Variants in TFDP2 observed in about 807,000 individuals in gnomAD.
The protein encoded by TFDP2 is transcription factor Dp-2 (E2F dimerization partner 2).
A neutral mutation model predicts 59.3 loss-of-function variants in TFDP2; 17 were observed. The observed-to-expected ratio is 0.29, with a 90% CI of 0.20 to 0.43. TFDP2 has a LOEUF of 0.43. Among genes scored for constraint, TFDP2 ranks in the 20% least tolerant of loss-of-function variants. The probability of loss-of-function intolerance (pLI) is 1.00; values close to 1 mark genes in which losing one functional copy is unlikely to be tolerated. For missense variants in TFDP2, 391 were observed against 528.8 expected (o/e 0.74, Z 2.56); for synonymous variants, 180 against 194.7 (o/e 0.92, Z 0.63).
intron 1 of TFDP2, among the ~76,000 whole-genome samples, chr3:142,140,828 C>T (rs1275142529): frequency 6.6e-6 from 1 of 152,180 alleles, no homozygotes; most frequent in Non-Finnish European, 1.5e-5. Context: ...CCCAGTTAGG[C>T]TACACGGGTG....
At chr3:142,147,528 G>A (rs1319175957) in intron 1 of TFDP2, among the ~76,000 whole-genome samples, 1 of 152,114 alleles carries the variant, frequency 6.6e-6, no homozygotes, top group Non-Finnish European at 1.5e-5. Flanking sequence ...CAGGGTGGGA[G>A]GAATTACATG....
chr3:141,959,877 G>A (rs773071220), intron 10 of TFDP2, 37 bp from the exon 11 acceptor site: 12 of 1,606,886 alleles, frequency 7.5e-6, no homozygotes, highest in Admixed American at 5.0e-5. Flanking sequence ...TTTTGGTGGT[G>A]CTGGAGAGGT....
chr3:142,110,434 G>A (rs1220457406), intron 1 of TFDP2, among the ~76,000 whole-genome samples: 1 of 151,816 alleles, frequency 6.6e-6, no homozygotes, highest in Admixed American at 6.6e-5. Flanking sequence ...AACCTGGAAG[G>A]TGGTGGTTGC....
At chr3:141,983,481 T>C (rs775807483) in intron 6 of TFDP2, among the ~76,000 whole-genome samples, 4 of 151,708 alleles carry the variant, frequency 2.6e-5, no homozygotes, top group Non-Finnish European at 4.4e-5. Flanking sequence ...CACAAAAAAA[T>C]ACAAAAATTA....
chr3:142,056,957 G>T (rs186692025), intron 3 of TFDP2, among the ~76,000 whole-genome samples: 1 of 152,336 alleles, frequency 6.6e-6, no homozygotes, highest in East Asian at 1.9e-4. Flanking sequence ...CATGTGAGAT[G>T]AATGTTTGTT....
intron 3 of TFDP2, among the ~76,000 whole-genome samples, chr3:142,040,597 A>G (rs964761664): frequency 5.7e-4 from 86 of 152,146 alleles, no homozygotes; most frequent in African/African-American, 1.8e-3. Flanking sequence ...TGCCCGGCTA[A>G]TTTTGTATTT....
intron 7 of TFDP2, among the ~76,000 whole-genome samples, chr3:141,975,598 G>A (rs759602515): frequency 1.3e-5 from 2 of 151,430 alleles, no homozygotes; most frequent in Admixed American, 6.6e-5. Flanking sequence ...GGAGGATGAG[G>A]CAGGAAAATC....
At chr3:142,042,541 G>A (rs914393266) in intron 3 of TFDP2, among the ~76,000 whole-genome samples, 6 of 151,496 alleles carry the variant, frequency 4.0e-5, no homozygotes, top group South Asian at 2.1e-4. Context: ...CTCGAGATCC[G>A]CCTGCCTCAG....
At chr3:142,126,937 C>T (rs1034078278) in intron 1 of TFDP2, among the ~76,000 whole-genome samples, 3 of 134,276 alleles carry the variant, frequency 2.2e-5, no homozygotes, top group African/African-American at 8.0e-5. Context: ...CAGAGTGAGA[C>T]CTTGTCTCAA....
At chr3:142,132,818 A>G (rs1317577969) in intron 1 of TFDP2, among the ~76,000 whole-genome samples, 1 of 149,070 alleles carries the variant, frequency 6.7e-6, no homozygotes, top group Admixed American at 6.6e-5. Context: ...AAACCGTATG[A>G]GGAAAATGTT....
intron 9 of TFDP2, among the ~76,000 whole-genome samples, chr3:141,968,393 A>ATATATATATAT (rs1232923523): frequency 8.6e-6 from 1 of 116,770 alleles, no homozygotes; most frequent in South Asian, 2.4e-4. Context: ...CATATATATA[A>ATATATATATAT]CATATATATC....
At chr3:141,997,174 G>A (rs1261608776) in intron 4 of TFDP2, among the ~76,000 whole-genome samples, 4 of 152,116 alleles carry the variant, frequency 2.6e-5, no homozygotes, top group Non-Finnish European at 4.4e-5. Flanking sequence ...ACAGTGGTAG[G>A]GGATGCTCAT....
rs1940221452 is a variant in TFDP2, at chr3:141,973,943, A to G, written c.663+105T>C. On this transcript the variant is annotated intron_variant, in intron 8 of 12. Coordinates refer to ENST00000489671, the MANE Select transcript of TFDP2 (RefSeq NM_001178139.2). The stretch of plus-strand genomic sequence containing the variant: ...TCTGTTAAAAAATGACATGGTATAC[A>G]TGAAAAATTGGAAATATTTTATATT... The G allele has an allele frequency of 4.5e-6, 6 of 1,330,702 alleles. No homozygotes were observed. In the East Asian group the frequency reaches 1.6e-4, roughly 35 times the overall value. The allele number at this position is 1,330,702 out of a possible 1,614,324, so 82.4% of individuals were successfully genotyped here.
At chr3:142,075,740 A>G (rs1227349494) in intron 3 of TFDP2, among the ~76,000 whole-genome samples, 2 of 147,152 alleles carry the variant, frequency 1.4e-5, no homozygotes, top group Non-Finnish European at 3.0e-5. Context: ...TACAGAAAAA[A>G]AAAAAAAAAA....
chr3:142,034,290 C>T lies in TFDP2; in HGVS notation c.83-28746G>A, dbSNP rs562989991. Among the ~76,000 whole-genome samples the T allele has an allele frequency of 4.6e-5, 7 of 151,694 alleles. 1 individual carries two copies. Among genetic ancestry groups the T allele is most frequent in the African/African-American group, 1.4e-4 (6 of 41,386 alleles). Reference sequence around the variant, plus strand: ...TTTTTTGTATTTTTAGTAGAGACAGCGTTTCTCCATGTTGGTCAGGCTGGT... The same window carrying T: ...TTTTTTGTATTTTTAGTAGAGACAGTGTTTCTCCATGTTGGTCAGGCTGGT... On this transcript the variant is annotated intron_variant, in intron 3 of 12. Coordinates refer to ENST00000489671, the MANE Select transcript of TFDP2 (RefSeq NM_001178139.2).
chr3:142,034,882 A>G (rs1277157816), intron 3 of TFDP2, among the ~76,000 whole-genome samples: 2 of 151,738 alleles, frequency 1.3e-5, no homozygotes, highest in South Asian at 4.2e-4. Context: ...TAATTTTTGT[A>G]TATTTAGTAG....
intron 1 of TFDP2, among the ~76,000 whole-genome samples, chr3:142,115,189 C>T (rs2061807394): frequency 6.6e-6 from 1 of 152,064 alleles, no homozygotes; most frequent in African/African-American, 2.4e-5. Context: ...TGAAAACATT[C>T]TGGTTATTAA....
At chr3:141,970,163 A>C in intron 8 of TFDP2, 22 bp from the exon 9 acceptor site, 2 of 1,609,748 alleles carry the variant, frequency 1.2e-6, no homozygotes, top group East Asian at 2.2e-5. Context: ...TGGTTACAAA[A>C]TAATATGAAC....
At chr3:142,147,770 TA>T (rs2063225846) in intron 1 of TFDP2, among the ~76,000 whole-genome samples, 1 of 152,174 alleles carries the variant, frequency 6.6e-6, no homozygotes, top group Non-Finnish European at 1.5e-5. Context: ...TTCTAATAAA[TA>T]ACAAACACAT....
Sources: gnomAD v4.1 joint callset for allele counts (sites outside exome capture counted in the v4.1 genomes callset) on GRCh38, gnomAD v4.1.1 for gene constraint, MANE v1.5 for transcripts, NCBI Gene and HGNC (gene_info 2026-07-23, HGNC 2026-07-21) for gene names.